LAMA4: variants seen among roughly 807,000 people sequenced by gnomAD.
LAMA4 encodes laminin subunit alpha 4, also known as laminin subunit alpha-4.
A neutral mutation model predicts 207.1 loss-of-function variants in LAMA4; 127 were observed. That is an observed-to-expected ratio of 0.61 (90% CI 0.53 to 0.71). The LOEUF (loss-of-function observed/expected upper bound fraction) is 0.71. Ranked by LOEUF, LAMA4 falls within the 30% of genes least tolerant of loss-of-function variation. LAMA4 has a pLI of 0.00. For missense variants in LAMA4, 2,093 were observed against 2,246.5 expected, an observed-to-expected ratio of 0.93 and a Z score of 1.38; for synonymous variants, 761 against 816.0, an observed-to-expected ratio of 0.93 and a Z score of 1.15.
chr6:112,152,704 T>C (rs947318688), intron 16 of LAMA4, among the ~76,000 whole-genome samples: 4 of 152,096 alleles, frequency 2.6e-5, no homozygotes, highest in Non-Finnish European at 5.9e-5. Context: ...TTTAATGTTA[T>C]CTTTCCCCCC....
chr6:112,188,205 G>A (rs559691351), intron 7 of LAMA4, among the ~76,000 whole-genome samples: 2 of 152,290 alleles, frequency 1.3e-5, no homozygotes, highest in East Asian at 1.9e-4. Flanking sequence ...TTCTAGAGAC[G>A]TGATAAAGGG....
intron 17 of LAMA4, 84 bp from the exon 18 acceptor site, chr6:112,148,420 T>C: frequency 7.0e-7 from 1 of 1,434,794 alleles, no homozygotes; most frequent in Non-Finnish European, 9.7e-7. Flanking sequence ...AACCCTTGAA[T>C]GAAACAGATC....
At chr6:112,234,576 A>C (rs1475015419) in intron 2 of LAMA4, 4 of 151,822 alleles carry the variant, frequency 2.6e-5, no homozygotes, top group Non-Finnish European at 5.9e-5. Context: ...TTGTGTTAGC[A>C]GATTAAAAAA....
At chr6:112,157,160 G>A (rs1780768722) in intron 14 of LAMA4, among the ~76,000 whole-genome samples, 1 of 152,098 alleles carries the variant, frequency 6.6e-6, no homozygotes, top group Non-Finnish European at 1.5e-5. Flanking sequence ...AATGGCCTCA[G>A]ATAGCAAAAT....
chr6:112,132,687 A>G, intron 28 of LAMA4, 66 bp downstream of exon 28: 1 of 1,494,874 alleles, frequency 6.7e-7, no homozygotes, highest in African/African-American at 1.4e-5. Flanking sequence ...CATGCATTAC[A>G]AATTATTTTT....
At chr6:112,202,430 T>C (rs1554352845) in intron 4 of LAMA4, among the ~76,000 whole-genome samples, 3 of 108,842 alleles carry the variant, frequency 2.8e-5, no homozygotes. Context: ...ACATGAATTG[T>C]GTGGGGCATA....
chr6:112,215,135 C>T (rs1227347420), intron 3 of LAMA4, among the ~76,000 whole-genome samples: 1 of 152,122 alleles, frequency 6.6e-6, no homozygotes, highest in Non-Finnish European at 1.5e-5. Flanking sequence ...TAACAGGAAA[C>T]CGGAGATGGA....
chr6:112,189,287 AC>A, intron 6 of LAMA4, 82 bp from the exon 7 acceptor site: 1 of 895,650 alleles, frequency 1.1e-6, no homozygotes, highest in East Asian at 2.5e-5. Context: ...TTCTAGAAAC[AC>A]TAGCTATCAG....
chr6:112,224,641 C>A (rs1409974190), intron 2 of LAMA4, among the ~76,000 whole-genome samples: 1 of 151,912 alleles, frequency 6.6e-6, no homozygotes. Context: ...CATGGTGAAA[C>A]CCCAACTCTA....
At chr6:112,131,601 G>A (rs1363404824) in intron 28 of LAMA4, among the ~76,000 whole-genome samples, 9 of 152,080 alleles carry the variant, frequency 5.9e-5, no homozygotes, top group Non-Finnish European at 1.0e-4. Flanking sequence ...TTTGGCAAGG[G>A]TTAATCTTGC....
intron 16 of LAMA4, among the ~76,000 whole-genome samples, chr6:112,154,416 C>T (rs1417518523): frequency 2.0e-5 from 3 of 151,066 alleles, no homozygotes; most frequent in African/African-American, 4.9e-5. Context: ...ACCCTGTCAT[C>T]CTAATTGACT....
At chr6:112,180,270 C>T (rs1473108482) in intron 9 of LAMA4, among the ~76,000 whole-genome samples, 7 of 152,124 alleles carry the variant, frequency 4.6e-5, no homozygotes, top group African/African-American at 1.4e-4. Flanking sequence ...AAGAAAACCT[C>T]TTCTTTTTGA....
chr6:112,253,961 C>T lies in LAMA4; in HGVS notation c.190G>A (p.Ala64Thr), dbSNP rs1427815376. ...CAATGGCAGGGACACTGTACCTCGG[C>T]CGCAGGCGGCAGGCGTCCCAGAGCC... Reference protein sequence around the residue: ...RVALGRLPPAAEKCNAGFFHT... With the variant: ...RVALGRLPPATEKCNAGFFHT... Residue 64 changes from alanine to threonine, a missense_variant, in exon 2 of 39, where the codon GCC becomes ACC. Ala to Thr is a moderately conservative substitution (Grantham distance 58, BLOSUM62 0). Coordinates refer to ENST00000230538, the MANE Select transcript of LAMA4 (RefSeq NM_001105206.3). The T allele has an allele frequency of 6.3e-7, 1 of 1,593,976 alleles. No homozygotes were observed.
intron 2 of LAMA4, among the ~76,000 whole-genome samples, chr6:112,237,660 C>T (rs1786032493): frequency 6.6e-6 from 1 of 152,164 alleles, no homozygotes; most frequent in South Asian, 2.1e-4. Context: ...AGACTTCTCT[C>T]CCATGATTTA....
chr6:112,131,697 A>C (rs1779044445), intron 28 of LAMA4, among the ~76,000 whole-genome samples: 1 of 152,126 alleles, frequency 6.6e-6, no homozygotes, highest in Non-Finnish European at 1.5e-5. Context: ...TATTTAACTA[A>C]CCAGGGTAGT....
intron 9 of LAMA4, among the ~76,000 whole-genome samples, chr6:112,182,865 T>C (rs1782449177): frequency 6.6e-6 from 1 of 152,188 alleles, no homozygotes; most frequent in Non-Finnish European, 1.5e-5. Flanking sequence ...GGAATTTTCA[T>C]TGCAGACAAG....
chr6:112,241,979 C>T (rs1188318956), intron 2 of LAMA4, among the ~76,000 whole-genome samples: 1 of 152,154 alleles, frequency 6.6e-6, no homozygotes. Context: ...AGAATGACTC[C>T]CTTGTTACCA....
chr6:112,148,896 TTTA>T (rs1780197741), intron 17 of LAMA4, among the ~76,000 whole-genome samples: 1 of 150,994 alleles, frequency 6.6e-6, no homozygotes, highest in African/African-American at 2.4e-5. Flanking sequence ...ATGAGAATTA[TTTA>T]TTATTTTTAT....
rs782596488 is a variant in LAMA4 at position 112,136,165 on chromosome 6, A to G, written c.3372T>C (p.Asp1124=). Residue 1124 remains aspartate, a synonymous_variant, in exon 25 of 39, where the codon GAT becomes GAC. Transcript: ENST00000230538. ...GFSGGPVHLE[D]TLKKAQINDA... ...CATTAATTTGAGCTTTCTTTAACGT[A>G]TCTTCAAGATGCACAGGGCCACCGC... 3.2e-5 allele frequency: 51 copies of G among 1,612,990 alleles called. No individual in the cohort carries two copies. Among genetic ancestry groups the G allele is most frequent in the Non-Finnish European group, 4.2e-5 (50 of 1,179,290 alleles).
Sources: allele counts gnomAD v4.1 joint callset (sites outside exome capture counted in the v4.1 genomes callset), GRCh38; gene constraint gnomAD v4.1.1; transcripts MANE v1.5; gene names NCBI Gene and HGNC (gene_info 2026-07-23, HGNC 2026-07-21).